The following TMEM50A variants were observed in gnomAD, a reference collection of about 807,000 sequenced individuals.
TMEM50A encodes cervical cancer oncogene 9.
TMEM50A carries 8 observed loss-of-function variants against 23.9 expected under a neutral mutation model. The observed-to-expected ratio is 0.33, with a 90% confidence interval of 0.20 to 0.60. The LOEUF (loss-of-function observed/expected upper bound fraction) is 0.60. Among genes scored for constraint, TMEM50A ranks in the 20% least tolerant of loss-of-function variants. TMEM50A has a pLI of 0.81. For missense variants in TMEM50A, 178 were observed against 192.7 expected (o/e 0.92, Z 0.45); for synonymous variants, 55 against 60.4 (o/e 0.91, Z 0.41).
intron 3 of TMEM50A, among the ~76,000 whole-genome samples, chr1:25,345,386 C>T (rs1174036607): frequency 6.6e-6 from 1 of 152,220 alleles, no homozygotes; most frequent in East Asian, 1.9e-4. Context: ...CGAGACCATC[C>T]TGGCTAACAC....
intron 4 of TMEM50A, 95 bp from the exon 5 acceptor site, chr1:25,352,787 C>G: frequency 3.3e-6 from 3 of 918,090 alleles, no homozygotes; most frequent in African/African-American, 1.7e-5. Context: ...GGCAGTTGCA[C>G]TTTTTTTTTT....
chr1:25,358,314 G>C (rs1645358582), intron 6 of TMEM50A, among the ~76,000 whole-genome samples: 1 of 152,148 alleles, frequency 6.6e-6, no homozygotes, highest in African/African-American at 2.4e-5. Context: ...ATTTCCATAT[G>C]CAGGAAATTG....
At position 25,356,776 on chromosome 1, in the gene TMEM50A, T is replaced by G; in HGVS notation, c.368-17T>G. On this transcript the variant is annotated splice_polypyrimidine_tract_variant and intron_variant, in intron 5 of 6. Transcript: ENST00000374358. ...TTTGAGATCATAACCCTCTAAACAC[T>G]GCAATTATTTTTACAGAAAAAGACA... 1 of 1,563,126 alleles carries G rather than the reference T, an allele frequency of 6.4e-7. No homozygotes were observed. The highest frequency in any genetic ancestry group is 8.7e-7 in the Non-Finnish European group (1 of 1,155,772).
intron 5 of TMEM50A, among the ~76,000 whole-genome samples, chr1:25,353,895 TTAAAA>T (rs1645305650): frequency 6.6e-6 from 1 of 152,258 alleles, no homozygotes; most frequent in Non-Finnish European, 1.5e-5. Context: ...AACTTGTAGA[TTAAAA>T]TAATGTTTCC....
chr1:25,341,019 G>C (rs1645161130), intron 2 of TMEM50A, among the ~76,000 whole-genome samples: 1 of 152,084 alleles, frequency 6.6e-6, no homozygotes, highest in African/African-American at 2.4e-5. Flanking sequence ...ATACAGAGAA[G>C]ATTAGCATGG....
intron 1 of TMEM50A, 55 bp from the exon 2 acceptor site, chr1:25,340,419 C>A: frequency 7.7e-7 from 1 of 1,300,464 alleles, no homozygotes; most frequent in Non-Finnish European, 1.1e-6. Context: ...ATTTTTCGGG[C>A]TTGAAGCAAG....
chr1:25,346,525 A>G (rs1645219395), intron 3 of TMEM50A, among the ~76,000 whole-genome samples: 1 of 152,036 alleles, frequency 6.6e-6, no homozygotes, highest in Non-Finnish European at 1.5e-5. Flanking sequence ...CCTCCCCAGT[A>G]GCTAGGACTA....
intron 3 of TMEM50A, among the ~76,000 whole-genome samples, chr1:25,349,459 A>G (rs1645254731): frequency 2.6e-5 from 4 of 152,214 alleles, no homozygotes; most frequent in Admixed American, 2.6e-4. Context: ...TTACTTTTAT[A>G]TATGAAACCT....
intron 5 of TMEM50A, among the ~76,000 whole-genome samples, chr1:25,355,980 T>C (rs1373829219): frequency 1.3e-5 from 2 of 152,182 alleles, no homozygotes; most frequent in East Asian, 3.8e-4. Flanking sequence ...GACTGTGCTG[T>C]AAAATATATC....
In TMEM50A at chr1:25,359,952, TACC is replaced by T. The variant is rs562737324; in HGVS notation, c.429-705_429-703del. Among the ~76,000 whole-genome samples the T allele has an allele frequency of 2.0e-5, 3 of 152,292 alleles. No individual in the cohort carries two copies. The East Asian group carries it at 5.8e-4, about 29-fold the overall frequency. On this transcript the variant is annotated intron_variant, in intron 6 of 6. Transcript: ENST00000374358. Reference sequence around the variant, plus strand: ...CTCCTTCCCCAACCACCCCCACACTTACCACATCACGTTAGCAAGAATGAGAGC... The same window carrying T: ...CTCCTTCCCCAACCACCCCCACACTTACATCACGTTAGCAAGAATGAGAGC...
intron 4 of TMEM50A, among the ~76,000 whole-genome samples, chr1:25,352,656 T>TA (rs1334801542): frequency 6.6e-6 from 1 of 152,100 alleles, no homozygotes; most frequent in Non-Finnish European, 1.5e-5. Flanking sequence ...TATATGCACT[T>TA]ATACAGACTC....
At chr1:25,350,132 A>G (rs1338148323) in intron 3 of TMEM50A, among the ~76,000 whole-genome samples, 1 of 152,244 alleles carries the variant, frequency 6.6e-6, no homozygotes, top group African/African-American at 2.4e-5. Context: ...CTTCAGAGCA[A>G]AAAGTTATTG....
rs1476719186 is a variant in TMEM50A, at chr1:25,361,935, A to G, written c.*1230A>G. The G allele has an allele frequency of 6.3e-6, 1 of 159,642 alleles. No individual in the cohort carries two copies. The highest frequency in any genetic ancestry group is 1.4e-5 in the Non-Finnish European group (1 of 72,244). The allele number at this position is 159,642 out of a possible 1,614,324, so 9.9% of individuals were successfully genotyped here. The stretch of plus-strand genomic sequence containing the variant: ...GTTGAAGCCCACCTTCTCTTTTCAC[A>G]TAGGAGGGAACAGACCATGGAAATT... On this transcript the variant is annotated 3_prime_UTR_variant, in exon 7 of 7. Coordinates refer to ENST00000374358, the MANE Select transcript of TMEM50A (RefSeq NM_014313.4).
chr1:25,354,311 T>C (rs2124257705), intron 5 of TMEM50A, among the ~76,000 whole-genome samples: 1 of 152,190 alleles, frequency 6.6e-6, no homozygotes. Context: ...ATTATTAAAA[T>C]CATGTTACCA....
intron 3 of TMEM50A, among the ~76,000 whole-genome samples, chr1:25,344,774 C>G (rs537725025): frequency 6.6e-6 from 1 of 150,434 alleles, no homozygotes; most frequent in Non-Finnish European, 1.5e-5. Context: ...CTTTAGGATT[C>G]ATTTTATTCT....
At chr1:25,343,389 C>T (rs1195684262) in intron 3 of TMEM50A, among the ~76,000 whole-genome samples, 1 of 152,070 alleles carries the variant, frequency 6.6e-6, no homozygotes, top group Non-Finnish European at 1.5e-5. Flanking sequence ...ATTTATTAAG[C>T]TTTTATATTC....
At chr1:25,353,210 C>T (rs1273749694) in intron 5 of TMEM50A, among the ~76,000 whole-genome samples, 1 of 152,170 alleles carries the variant, frequency 6.6e-6, no homozygotes, top group African/African-American at 2.4e-5. Flanking sequence ...AGGGATGAGA[C>T]AGCTCTAAAC....
chr1:25,359,507 T>TAAA (rs60020744), intron 6 of TMEM50A, among the ~76,000 whole-genome samples: 1 of 146,670 alleles, frequency 6.8e-6, no homozygotes, highest in Non-Finnish European at 1.5e-5. Context: ...TGATGAGCTT[T>TAAA]AAAAAAAAAA....
intron 3 of TMEM50A, among the ~76,000 whole-genome samples, chr1:25,348,683 C>CAA (rs57543271): frequency 0.11 from 15,308 of 141,124 alleles, 1,915 homozygotes; most frequent in African/African-American, 0.31. Flanking sequence ...GACTCCATCT[C>CAA]AAAAAAAAAA....
Sources: allele counts gnomAD v4.1 joint callset (sites outside exome capture counted in the v4.1 genomes callset), GRCh38; gene constraint gnomAD v4.1.1; transcripts MANE v1.5; gene names NCBI Gene and HGNC (gene_info 2026-07-23, HGNC 2026-07-21).